The following TYR variants were observed in gnomAD, a reference collection of about 807,000 sequenced individuals.
TYR encodes the protein tyrosinase, also known as LB24-AB.
Under a neutral mutation model 51.5 loss-of-function variants are expected in TYR, and 58 were observed. The ratio of observed to expected loss-of-function variants is 1.13; its 90% CI spans 0.91 to 1.40. The LOEUF is 1.40. TYR is among the 40% of genes most tolerant of loss of function. The pLI is 0.00. For synonymous variants in TYR, 263 were observed against 235.2 expected (o/e 1.12, Z -1.08); for missense variants, 732 against 647.4 (o/e 1.13, Z -1.42).
intron 1 of TYR, among the ~76,000 whole-genome samples, chr11:89,183,901 A>C (rs1943333399): frequency 6.6e-6 from 1 of 152,110 alleles, no homozygotes; most frequent in Non-Finnish European, 1.5e-5. Context: ...CACTATGCTA[A>C]GTGCTTTATA....
chr11:89,273,386 G>A (rs182722611), intron 3 of TYR, among the ~76,000 whole-genome samples: 1 of 151,928 alleles, frequency 6.6e-6, no homozygotes, highest in East Asian at 1.9e-4. Flanking sequence ...GGGCGTGAGG[G>A]AAGGAGGATG....
chr11:89,221,355 T>C (rs1336894371), intron 2 of TYR, among the ~76,000 whole-genome samples: 2 of 152,216 alleles, frequency 1.3e-5, no homozygotes, highest in Non-Finnish European at 2.9e-5. Flanking sequence ...CTATTCCTCA[T>C]AATCAAAGAA....
chr11:89,225,127 G>T (rs1943960984), intron 2 of TYR, among the ~76,000 whole-genome samples: 1 of 151,350 alleles, frequency 6.6e-6, no homozygotes, highest in Non-Finnish European at 1.5e-5. Context: ...ATTTTGGTAG[G>T]CTACTTATTC....
chr11:89,190,780 T>C (rs1005832558), intron 1 of TYR, among the ~76,000 whole-genome samples: 1 of 152,110 alleles, frequency 6.6e-6, no homozygotes, highest in Non-Finnish European at 1.5e-5. Context: ...GTCCTGTATA[T>C]ACAAGTATGC....
intron 1 of TYR, among the ~76,000 whole-genome samples, chr11:89,188,539 T>C (rs1274261762): frequency 1.3e-5 from 2 of 152,046 alleles, no homozygotes; most frequent in Admixed American, 6.6e-5. Context: ...GATTTGCCAA[T>C]TGTTGTGGTG....
intron 3 of TYR, among the ~76,000 whole-genome samples, chr11:89,260,356 A>G (rs1048828208): frequency 2.0e-5 from 3 of 152,110 alleles, no homozygotes; most frequent in Non-Finnish European, 2.9e-5. Flanking sequence ...GAGAAGAGAG[A>G]ACTGACTTCT....
chr11:89,203,891 G>C (rs1943633506), intron 2 of TYR, among the ~76,000 whole-genome samples: 1 of 152,178 alleles, frequency 6.6e-6, no homozygotes, highest in Admixed American at 6.5e-5. Context: ...GAAAAACTGA[G>C]GCACAATCCC....
chr11:89,201,662 G>A (rs1479121872), intron 2 of TYR, among the ~76,000 whole-genome samples: 4 of 152,116 alleles, frequency 2.6e-5, no homozygotes, highest in Non-Finnish European at 4.4e-5. Context: ...CAGAAGATTT[G>A]CCCACCATTG....
At chr11:89,222,280 C>T (rs371850084) in intron 2 of TYR, among the ~76,000 whole-genome samples, 13 of 152,220 alleles carry the variant, frequency 8.5e-5, no homozygotes, top group East Asian at 7.7e-4. Context: ...TAGAACGACC[C>T]GGAGTGGTTT....
chr11:89,177,919 C>G lies in TYR; in HGVS notation c.-35C>G, dbSNP rs1156591175. ...AGAGAAATCTGTGACTCCAATTAGC[C>G]AGTTCCTGCAGACCTTGTGAGGACT... On this transcript the variant is annotated 5_prime_UTR_variant, in exon 1 of 5. Transcript: ENST00000263321. 1.2e-6 allele frequency: 2 copies of G among 1,603,226 alleles called. No homozygotes were observed. Among genetic ancestry groups the G allele is most frequent in the Non-Finnish European group, 1.7e-6 (2 of 1,171,324 alleles).
At chr11:89,205,607 T>A (rs1287706939) in intron 2 of TYR, among the ~76,000 whole-genome samples, 1 of 151,884 alleles carries the variant, frequency 6.6e-6, no homozygotes, top group Non-Finnish European at 1.5e-5. Context: ...CTGAAAAAAA[T>A]GAACTGTTAA....
At chr11:89,235,193 G>T (rs1327943077) in intron 3 of TYR, among the ~76,000 whole-genome samples, 2 of 152,126 alleles carry the variant, frequency 1.3e-5, no homozygotes, top group Non-Finnish European at 2.9e-5. Context: ...TGTTGGAGAG[G>T]GTGTGGAGAA....
intron 3 of TYR, among the ~76,000 whole-genome samples, chr11:89,273,091 C>A (rs1944609490): frequency 1.3e-5 from 2 of 151,896 alleles, no homozygotes; most frequent in Non-Finnish European, 2.9e-5. Flanking sequence ...TAATTTCCTT[C>A]AAGAATTTTT....
chr11:89,232,565 G>C (rs1358616528), intron 3 of TYR, among the ~76,000 whole-genome samples: 2 of 141,004 alleles, frequency 1.4e-5, no homozygotes, highest in Non-Finnish European at 3.0e-5. Flanking sequence ...GAGAAGGAGG[G>C]GCATAACAGC....
chr11:89,183,986 G>A (rs1369376634), intron 1 of TYR, among the ~76,000 whole-genome samples: 1 of 152,170 alleles, frequency 6.6e-6, no homozygotes, highest in South Asian at 2.1e-4. Context: ...TACCCAGAGA[G>A]CTTAAGTAAC....
chr11:89,210,089 C>G (rs1943732502), intron 2 of TYR, among the ~76,000 whole-genome samples: 1 of 152,142 alleles, frequency 6.6e-6, no homozygotes, highest in African/African-American at 2.4e-5. Flanking sequence ...TCCTCATCAG[C>G]AAGGCAACAA....
rs998102046 is a variant in TYR at position 89,256,151 on chromosome 11, T to G, written c.1184+28181T>G. On this transcript the variant is annotated intron_variant, in intron 3 of 4. Transcript: ENST00000263321. ...GCACGTAAAATATTGTTAATAAAAC[T>G]GAAGAATATAATTTTAAACTTTAAT... 4.6e-5 allele frequency among the ~76,000 whole-genome samples: 7 copies of G among 151,780 alleles called. No homozygotes were observed. In the Admixed American group the frequency reaches 4.6e-4, roughly 10 times the overall value.
intron 1 of TYR, among the ~76,000 whole-genome samples, chr11:89,190,788 T>C (rs1943432587): frequency 6.6e-6 from 1 of 152,112 alleles, no homozygotes; most frequent in African/African-American, 2.4e-5. Context: ...TATACAAGTA[T>C]GCCATTTAAA....
chr11:89,216,348 G>C (rs958636943), intron 2 of TYR, among the ~76,000 whole-genome samples: 1 of 152,026 alleles, frequency 6.6e-6, no homozygotes, highest in African/African-American at 2.4e-5. Context: ...ATGGAATATT[G>C]TGGAATTAGC....
Sources: allele counts gnomAD v4.1 joint callset (sites outside exome capture counted in the v4.1 genomes callset), GRCh38; gene constraint gnomAD v4.1.1; transcripts MANE v1.5; gene names NCBI Gene and HGNC (gene_info 2026-07-23, HGNC 2026-07-21).